ATP8A2: variants seen among roughly 807,000 people sequenced by gnomAD.
ATP8A2 encodes ATPase phospholipid transporting 8A2, also known as phospholipid-transporting ATPase IB.
ATP8A2 carries 100 observed loss-of-function variants against 165.6 expected under a neutral mutation model. The observed-to-expected ratio is 0.60, with a 90% CI of 0.51 to 0.71. The LOEUF is 0.71. Among genes scored for constraint, ATP8A2 ranks in the 30% least tolerant of loss-of-function variants. The pLI is 0.00. For missense variants in ATP8A2, 1,227 were observed against 1,479.5 expected, an observed-to-expected ratio of 0.83 and a Z score of 2.80; for synonymous variants, 543 against 548.8, an observed-to-expected ratio of 0.99 and a Z score of 0.15.
intron 33 of ATP8A2, among the ~76,000 whole-genome samples, chr13:25,867,538 G>A (rs1952542577): frequency 6.6e-6 from 1 of 152,126 alleles, no homozygotes; most frequent in South Asian, 2.1e-4. Context: ...GTTAAGGTCT[G>A]TGTGGGGCAT....
At chr13:25,509,749 A>C (rs1226284115) in intron 2 of ATP8A2, among the ~76,000 whole-genome samples, 1 of 152,244 alleles carries the variant, frequency 6.6e-6, no homozygotes, top group African/African-American at 2.4e-5. Context: ...TAAACTAATG[A>C]GTAAATTAAA....
intron 24 of ATP8A2, among the ~76,000 whole-genome samples, chr13:25,595,596 G>C (rs2040215842): frequency 1.3e-5 from 2 of 152,192 alleles, no homozygotes; most frequent in South Asian, 4.1e-4. Flanking sequence ...GGCAACATCA[G>C]AGTTGCTCCC....
At chr13:25,822,435 G>A (rs1951207167) in intron 27 of ATP8A2, among the ~76,000 whole-genome samples, 3 of 152,256 alleles carry the variant, frequency 2.0e-5, no homozygotes, top group Admixed American at 6.5e-5. Flanking sequence ...TTACAGTGTT[G>A]TTTCCCCAGT....
chr13:25,534,323 T>C, intron 6 of ATP8A2: 1 of 432,696 alleles, frequency 2.3e-6, no homozygotes, highest in Non-Finnish European at 4.7e-6. Context: ...GGTCAGGAGG[T>C]TGGGAATTCT....
chr13:25,600,959 A>G (rs2040369028), intron 24 of ATP8A2, among the ~76,000 whole-genome samples: 1 of 152,218 alleles, frequency 6.6e-6, no homozygotes, highest in African/African-American at 2.4e-5. Flanking sequence ...CTATTCCATA[A>G]AAGTCAGACC....
intron 24 of ATP8A2, among the ~76,000 whole-genome samples, chr13:25,607,413 G>A (rs71431761): frequency 0.057 from 8,746 of 152,158 alleles, 550 homozygotes; most frequent in African/African-American, 0.14. Flanking sequence ...GATGCCCCTC[G>A]ACTCATATTG....
intron 1 of ATP8A2, among the ~76,000 whole-genome samples, chr13:25,452,865 C>T (rs2035265579): frequency 6.6e-6 from 1 of 152,078 alleles, no homozygotes; most frequent in Admixed American, 6.5e-5. Context: ...GAGGCTGAGG[C>T]AGGAGGATCA....
At chr13:25,384,566 CTT>C (rs1284469771) in intron 1 of ATP8A2, among the ~76,000 whole-genome samples, 2 of 152,148 alleles carry the variant, frequency 1.3e-5, no homozygotes, top group Non-Finnish European at 2.9e-5. Context: ...CGCTCTTCAG[CTT>C]TGTTTTGCGT....
intron 1 of ATP8A2, among the ~76,000 whole-genome samples, chr13:25,458,538 C>T (rs1197610525): frequency 6.6e-6 from 1 of 152,152 alleles, no homozygotes; most frequent in African/African-American, 2.4e-5. Flanking sequence ...TTAGGGCGCA[C>T]CTGCAATTCC....
At chr13:25,817,366 C>T (rs1951055244) in intron 27 of ATP8A2, among the ~76,000 whole-genome samples, 1 of 141,278 alleles carries the variant, frequency 7.1e-6, no homozygotes, top group African/African-American at 2.6e-5. Context: ...GGGGGGGAAA[C>T]ACGATTTTGT....
At chr13:26,006,098 C>T (rs1408036678) in intron 35 of ATP8A2, among the ~76,000 whole-genome samples, 1 of 151,942 alleles carries the variant, frequency 6.6e-6, no homozygotes, top group Non-Finnish European at 1.5e-5. Context: ...ATCTGTAAAA[C>T]ACTTTGACTA....
chr13:25,911,731 G>A (rs919263036), intron 33 of ATP8A2, among the ~76,000 whole-genome samples: 4 of 152,156 alleles, frequency 2.6e-5, no homozygotes, highest in African/African-American at 9.7e-5. Flanking sequence ...TTCGCTGCTC[G>A]TTTTATAGAA....
intron 33 of ATP8A2, among the ~76,000 whole-genome samples, chr13:25,934,358 G>T (rs1954832971): frequency 6.6e-6 from 1 of 152,206 alleles, no homozygotes; most frequent in African/African-American, 2.4e-5. Flanking sequence ...ACACTAGGAG[G>T]CTGTCAGTCT....
intron 33 of ATP8A2, among the ~76,000 whole-genome samples, chr13:25,914,321 T>A (rs1954205569): frequency 6.6e-6 from 1 of 152,188 alleles, no homozygotes; most frequent in South Asian, 2.1e-4. Flanking sequence ...AGTATAAATA[T>A]CCAGCCCTTA....
intron 24 of ATP8A2, among the ~76,000 whole-genome samples, chr13:25,595,943 A>G (rs1170726448): frequency 6.7e-6 from 1 of 150,356 alleles, no homozygotes; most frequent in African/African-American, 2.4e-5. Flanking sequence ...ACTCTTTCCC[A>G]TCAGCGCCCT....
At chr13:25,574,633 A>G (rs1471824703) in intron 18 of ATP8A2, among the ~76,000 whole-genome samples, 175 bp from the exon 19 acceptor site, 1 of 152,244 alleles carries the variant, frequency 6.6e-6, no homozygotes, top group Non-Finnish European at 1.5e-5. Context: ...AGCTTCCACC[A>G]GAAGAGGGAG....
chr13:26,006,333 A>G (rs1303237017), intron 35 of ATP8A2, among the ~76,000 whole-genome samples: 1 of 151,858 alleles, frequency 6.6e-6, no homozygotes, highest in Non-Finnish European at 1.5e-5. Context: ...TTATATTTGT[A>G]TACTACTGAT....
intron 24 of ATP8A2, among the ~76,000 whole-genome samples, chr13:25,658,108 G>A (rs1327661482): frequency 6.6e-6 from 1 of 152,092 alleles, no homozygotes; most frequent in Non-Finnish European, 1.5e-5. Context: ...TGGTAGGGAC[G>A]TGCACACTCT....
At chr13:25,648,791 CTTGTTAT>C in intron 24 of ATP8A2, among the ~76,000 whole-genome samples, 1 of 152,196 alleles carries the variant, frequency 6.6e-6, no homozygotes, top group Non-Finnish European at 1.5e-5. Context: ...TATGTAAATA[CTTGTTAT>C]ATTGTATTTT....
Sources: gnomAD v4.1 joint callset for allele counts (sites outside exome capture counted in the v4.1 genomes callset) on GRCh38, gnomAD v4.1.1 for gene constraint, MANE v1.5 for transcripts, NCBI Gene and HGNC (gene_info 2026-07-23, HGNC 2026-07-21) for gene names.